CLYBL: variants seen among roughly 807,000 people sequenced by gnomAD.
CLYBL encodes citramalyl-CoA lyase.
CLYBL carries 31 observed loss-of-function variants against 38.9 expected under a neutral mutation model. The observed-to-expected ratio is 0.80, with a 90% CI of 0.60 to 1.08. The LOEUF (loss-of-function observed/expected upper bound fraction) is 1.08, where lower values mean the gene tolerates loss of function less well. Ranked by LOEUF, CLYBL falls within the 50% of genes least tolerant of loss-of-function variation. The probability of loss-of-function intolerance (pLI) is 0.00; values close to 1 mark genes in which losing one functional copy is unlikely to be tolerated. For missense variants in CLYBL, 434 were observed against 411.6 expected, an observed-to-expected ratio of 1.05 and a Z score of -0.47; for synonymous variants, 171 against 158.6, an observed-to-expected ratio of 1.08 and a Z score of -0.59.
rs202101094 is a variant in CLYBL, at chr13:99,756,597, TTTG to T, written c.63-16212_63-16210del. On this transcript the variant is annotated intron_variant, in intron 1 of 8. Coordinates refer to ENST00000339105, the MANE Select transcript of CLYBL (RefSeq NM_206808.5). ...TAAACTTTCTTAAAACATTATGAGA[TTTG>T]TTGTTGTTGTTGTTTGTTTGTTTGT... Among the ~76,000 whole-genome samples, 1,281 of 152,126 alleles carry T rather than the reference TTTG, an allele frequency of 8.4e-3. 19 individuals are homozygous for T. Among genetic ancestry groups the T allele is most frequent in the African/African-American group, 0.029 (1,210 of 41,488 alleles).
chr13:99,844,919 C>T (rs1346319175), intron 2 of CLYBL, among the ~76,000 whole-genome samples: 4 of 152,170 alleles, frequency 2.6e-5, no homozygotes, highest in African/African-American at 9.7e-5. Context: ...TTTAAATTTC[C>T]GTACAATTCC....
intron 2 of CLYBL, among the ~76,000 whole-genome samples, chr13:99,810,477 G>T (rs1258598655): frequency 6.6e-6 from 1 of 152,098 alleles, no homozygotes; most frequent in Non-Finnish European, 1.5e-5. Flanking sequence ...AAAGCCGAGG[G>T]GTGACAAGAA....
intron 2 of CLYBL, among the ~76,000 whole-genome samples, chr13:99,815,693 A>G (rs186692252): frequency 2.6e-5 from 4 of 152,276 alleles, no homozygotes; most frequent in East Asian, 1.9e-4. Flanking sequence ...CAAGACAAAC[A>G]TGGTGAAACC....
chr13:99,716,395 C>CTTTCT (rs1555293180), intron 1 of CLYBL, among the ~76,000 whole-genome samples: 8,211 of 135,180 alleles, frequency 0.061, 392 homozygotes, highest in African/African-American at 0.13. Flanking sequence ...CTTTTCTTTT[C>CTTTCT]TTTTTTTTTT....
intron 2 of CLYBL, among the ~76,000 whole-genome samples, chr13:99,783,651 TAACGAG>T (rs1197666317): frequency 5.9e-5 from 9 of 151,904 alleles, no homozygotes; most frequent in African/African-American, 2.2e-4. Flanking sequence ...TTCACCTTGT[TAACGAG>T]GATGGTCTTG....
chr13:99,797,560 T>TTGTGTGTGTGTGTGTGTGTGTGTGTGTG lies in CLYBL; in HGVS notation c.249+24554_249+24581dup, dbSNP rs3033584. On this transcript the variant is annotated intron_variant, in intron 2 of 8. Coordinates refer to ENST00000339105, the MANE Select transcript of CLYBL (RefSeq NM_206808.5). ...TTTCTGTGTCTGCCATGTTAGCTGTTTGTGTGTGTGTGTGTGTGTGTGTGT... is the reference window on the plus strand; with the variant it reads ...TTTCTGTGTCTGCCATGTTAGCTGTTTGTGTGTGTGTGTGTGTGTGTGTGTGTGTGTGTGTGTGTGTGTGTGTGTGTGT... Among the ~76,000 whole-genome samples the TTGTGTGTGTGTGTGTGTGTGTGTGTGTG allele has an allele frequency of 2.1e-3, 304 of 141,804 alleles. 5 individuals are homozygous for TTGTGTGTGTGTGTGTGTGTGTGTGTGTG. Among genetic ancestry groups the TTGTGTGTGTGTGTGTGTGTGTGTGTGTG allele is most frequent in the African/African-American group, 6.7e-3 (244 of 36,600 alleles). 93.0% of individuals were successfully genotyped at this position (141,804 alleles called of 152,430 possible).
chr13:99,777,721 G>C (rs2049552359), intron 2 of CLYBL, among the ~76,000 whole-genome samples: 1 of 152,054 alleles, frequency 6.6e-6, no homozygotes, highest in Non-Finnish European at 1.5e-5. Context: ...TCGAACTCCT[G>C]ACCTCAGGTG....
chr13:99,788,578 G>T (rs1409212523), intron 2 of CLYBL, among the ~76,000 whole-genome samples: 3 of 152,166 alleles, frequency 2.0e-5, no homozygotes, highest in African/African-American at 7.2e-5. Flanking sequence ...TAAGTTTTCT[G>T]ATGTGCTGCT....
intron 2 of CLYBL, among the ~76,000 whole-genome samples, chr13:99,815,897 CTA>C (rs1296690120): frequency 6.6e-6 from 1 of 152,114 alleles, no homozygotes; most frequent in Non-Finnish European, 1.5e-5. Context: ...TAATAATTAA[CTA>C]AAATTTAATT....
chr13:99,867,597 G>A (rs1161804406), intron 6 of CLYBL, among the ~76,000 whole-genome samples: 1 of 152,018 alleles, frequency 6.6e-6, no homozygotes, highest in Non-Finnish European at 1.5e-5. Context: ...GTTTCATAGC[G>A]ACTGAGGAAG....
At chr13:99,714,227 G>C (rs2048279037) in intron 1 of CLYBL, among the ~76,000 whole-genome samples, 2 of 152,054 alleles carry the variant, frequency 1.3e-5, no homozygotes, top group African/African-American at 4.8e-5. Flanking sequence ...CGTTTCTCTT[G>C]AGTGCTCTTC....
At chr13:99,705,347 A>G (rs944357708) in intron 1 of CLYBL, among the ~76,000 whole-genome samples, 1 of 152,142 alleles carries the variant, frequency 6.6e-6, no homozygotes, top group Non-Finnish European at 1.5e-5. Context: ...TTGGGAGGCT[A>G]CGGTGGGCGG....
At chr13:99,765,109 T>A (rs1451224608) in intron 1 of CLYBL, among the ~76,000 whole-genome samples, 1 of 152,132 alleles carries the variant, frequency 6.6e-6, no homozygotes, top group Non-Finnish European at 1.5e-5. Flanking sequence ...CAATATTTAG[T>A]GTTTCTTGTA....
chr13:99,849,580 C>T lies in CLYBL; in HGVS notation c.250-9281C>T, dbSNP rs1027936245. 1.3e-5 allele frequency among the ~76,000 whole-genome samples: 2 copies of T among 152,190 alleles called. No homozygotes were observed. Among genetic ancestry groups the T allele is most frequent in the Non-Finnish European group, 2.9e-5 (2 of 68,054 alleles). On this transcript the variant is annotated intron_variant, in intron 2 of 8. Transcript: ENST00000339105. This position sits in a 1 kb window ranked among gnomAD's most constrained non-coding sequence, Gnocchi z 4.9. Reference sequence around the variant, plus strand: ...TGAATCATAAAACATCGGCAGTGCCCGCCCACCAAGGGCATCTTCTCAGCA... The same window carrying T: ...TGAATCATAAAACATCGGCAGTGCCTGCCCACCAAGGGCATCTTCTCAGCA...
rs4001024 is a variant in CLYBL, at chr13:99,716,169, A to ATTTTTTTTTTTTTTTTTTTT, written c.63-56636_63-56617dup. On this transcript the variant is annotated intron_variant, in intron 1 of 8. Transcript: ENST00000339105. ...AAATTGTCCTTGCTTTATTGGTGTA[A>ATTTTTTTTTTTTTTTTTTTT]TTTTTTTTTTTTTTTTTTTTTTTTT... 3.9e-4 allele frequency among the ~76,000 whole-genome samples: 13 copies of ATTTTTTTTTTTTTTTTTTTT among 33,464 alleles called. 4 individuals carry two copies. Among genetic ancestry groups the ATTTTTTTTTTTTTTTTTTTT allele is most frequent in the East Asian group, 8.9e-4 (1 of 1,122 alleles). The allele number at this position is 33,464 out of a possible 152,430, so 22.0% of individuals were successfully genotyped here.
At chr13:99,751,655 G>A (rs992109517) in intron 1 of CLYBL, among the ~76,000 whole-genome samples, 3 of 152,220 alleles carry the variant, frequency 2.0e-5, no homozygotes, top group Non-Finnish European at 4.4e-5. Context: ...GCCAAGGGCC[G>A]AGGGGAGGAG....
intron 1 of CLYBL, among the ~76,000 whole-genome samples, chr13:99,739,272 G>A (rs1166057994): frequency 6.6e-6 from 1 of 152,144 alleles, no homozygotes; most frequent in Non-Finnish European, 1.5e-5. Flanking sequence ...GACACACCGT[G>A]TGAACTTAGT....
intron 1 of CLYBL, among the ~76,000 whole-genome samples, chr13:99,701,803 T>C (rs1006601682): frequency 2.6e-5 from 4 of 152,162 alleles, no homozygotes; most frequent in African/African-American, 9.7e-5. Flanking sequence ...GCTTCCCGAA[T>C]AGCTGGGAGT....
At chr13:99,751,357 A>G (rs1489697105) in intron 1 of CLYBL, among the ~76,000 whole-genome samples, 4 of 151,984 alleles carry the variant, frequency 2.6e-5, no homozygotes, top group African/African-American at 9.7e-5. Context: ...AAAAGCTGGG[A>G]TTACAGGTGT....
Sources: allele counts gnomAD v4.1 joint callset (sites outside exome capture counted in the v4.1 genomes callset), GRCh38; gene constraint gnomAD v4.1.1; non-coding constraint Gnocchi (gnomAD v3.1); transcripts MANE v1.5; gene names NCBI Gene and HGNC (gene_info 2026-07-23, HGNC 2026-07-21).